Variants in TMEM18 observed in about 807,000 individuals in gnomAD.
The protein encoded by TMEM18 is transmembrane protein 18.
Under a neutral mutation model 17.4 loss-of-function variants are expected in TMEM18, and 14 were observed. The ratio of observed to expected loss-of-function variants is 0.80; its 90% CI spans 0.53 to 1.25. The LOEUF (loss-of-function observed/expected upper bound fraction) is 1.25, where lower values mean the gene tolerates loss of function less well. TMEM18 is among the 50% of genes most tolerant of loss of function. The pLI is 0.00. For missense variants in TMEM18, 187 were observed against 172.1 expected, an observed-to-expected ratio of 1.09 and a Z score of -0.48; for synonymous variants, 86 against 66.1, an observed-to-expected ratio of 1.30 and a Z score of -1.46.
chr2:669,736 C>T, intron 4 of TMEM18, 21 bp downstream of exon 4: 1 of 1,613,976 alleles, frequency 6.2e-7, no homozygotes, highest in Admixed American at 1.7e-5. Context: ...AGAAAGACAA[C>T]TGAAAGTGTC....
intron 1 of TMEM18, chr2:676,366 C>A: frequency 7.0e-7 from 1 of 1,420,284 alleles, no homozygotes; most frequent in Non-Finnish European, 9.3e-7. Flanking sequence ...CCTTGAGCGC[C>A]CTCCTGCAGA....
chr2:669,944 A>C, intron 3 of TMEM18, 94 bp from the exon 4 acceptor site: 1 of 999,962 alleles, frequency 1.0e-6, no homozygotes, highest in Non-Finnish European at 1.5e-6. Flanking sequence ...GAGAGAGCTG[A>C]TGTGGACTGA....
At chr2:677,176 GCCCCGC>G in intron 1 of TMEM18, 107 bp downstream of exon 1, 1 of 1,379,790 alleles carries the variant, frequency 7.2e-7, no homozygotes, top group Non-Finnish European at 9.9e-7. Flanking sequence ...CCGCCACAAG[GCCCCGC>G]CCACGGCCGG....
chr2:677,179 C>G (rs997312931), intron 1 of TMEM18, 110 bp downstream of exon 1: 1 of 1,407,292 alleles, frequency 7.1e-7, no homozygotes, highest in Non-Finnish European at 9.7e-7. Flanking sequence ...CCACAAGGCC[C>G]CGCCCACGGC....
chr2:676,182 C>T (rs1218896497), intron 1 of TMEM18: 13 of 1,348,010 alleles, frequency 9.6e-6, no homozygotes, highest in South Asian at 3.7e-5. Context: ...ATACACTGAA[C>T]TCTCCAGACA....
intron 3 of TMEM18, among the ~76,000 whole-genome samples, chr2:672,198 C>T (rs1417544691): frequency 1.3e-5 from 2 of 152,186 alleles, no homozygotes; most frequent in Admixed American, 6.5e-5. Context: ...AACGTAAAAG[C>T]CATTTTTAGC....
chr2:676,710 G>GC, intron 1 of TMEM18: 1 of 1,443,802 alleles, frequency 6.9e-7, no homozygotes, highest in East Asian at 2.5e-5. Flanking sequence ...CACGGCGCAC[G>GC]CCCCGCCCAC....
At chr2:673,332 A>G (rs1010287595) in intron 2 of TMEM18, among the ~76,000 whole-genome samples, 2 of 151,960 alleles carry the variant, frequency 1.3e-5, no homozygotes, top group African/African-American at 4.8e-5. Flanking sequence ...ATAGGAGGGG[A>G]GCGAACAGCT....
intron 3 of TMEM18, chr2:670,922 G>A (rs1254133698): frequency 6.6e-6 from 1 of 152,446 alleles, no homozygotes; most frequent in Non-Finnish European, 1.5e-5. Context: ...GACGGCTTAG[G>A]GACCGCTGCA....
chr2:670,506 G>A (rs1678812777), intron 3 of TMEM18: 2 of 152,960 alleles, frequency 1.3e-5, no homozygotes, highest in African/African-American at 4.8e-5. Flanking sequence ...TAGTAATGGT[G>A]GGCAGTGGGT....
At chr2:672,273 C>T (rs1452909059) in intron 3 of TMEM18, among the ~76,000 whole-genome samples, 1 of 152,212 alleles carries the variant, frequency 6.6e-6, no homozygotes, top group Non-Finnish European at 1.5e-5. Flanking sequence ...TCAACCTGGG[C>T]AGGTGCTGGG....
chr2:676,024 A>T, intron 1 of TMEM18: 1 of 1,309,446 alleles, frequency 7.6e-7, no homozygotes, highest in Non-Finnish European at 1.0e-6. Context: ...CAAGGAAATT[A>T]AGACGATTGC....
In TMEM18 at chr2:665,862, C is replaced by T. The variant is rs959169682; in HGVS notation, c.*3718G>A. ...CACAGAGATGCAGATGCCCCACTCA[C>T]TCAGATGGAGCATCAACCCCACACA... is the stretch of plus-strand genomic sequence containing the variant. On this transcript the variant is annotated 3_prime_UTR_variant, in exon 5 of 5. Coordinates refer to ENST00000281017, the MANE Select transcript of TMEM18 (RefSeq NM_152834.4). Among the ~76,000 whole-genome samples the T allele has an allele frequency of 6.6e-6, 1 of 152,212 alleles. No homozygotes were observed. Among genetic ancestry groups the T allele is most frequent in the Non-Finnish European group, 1.5e-5 (1 of 68,044 alleles).
At position 664,710 on chromosome 2, in the gene TMEM18, C is replaced by T. The variant is rs368037316; in HGVS notation, c.*4870G>A. On this transcript the variant is annotated 3_prime_UTR_variant, in exon 5 of 5. Transcript: ENST00000281017. ...AAATTGATTTAGCAACATTTACCAA[C>T]TGTCACATAAAAGTTATATATGTTG... Among the ~76,000 whole-genome samples the T allele has an allele frequency of 3.3e-5, 5 of 152,322 alleles. No individual in the cohort carries two copies. The South Asian group carries it at 1.0e-3, about 32-fold the overall frequency.
At chr2:672,779 C>G in intron 3 of TMEM18, 29 bp downstream of exon 3, 1 of 1,449,102 alleles carries the variant, frequency 6.9e-7, no homozygotes, top group Non-Finnish European at 9.1e-7. Flanking sequence ...CCTGCAGGGA[C>G]CTGGTCACAG....
Position 669,488 on chromosome 2 carries a change from A to G in TMEM18, c.*92T>C. On this transcript the variant is annotated 3_prime_UTR_variant, in exon 5 of 5. Coordinates refer to ENST00000281017, the MANE Select transcript of TMEM18 (RefSeq NM_152834.4). ...ACAACGGTTTTTCAAACCATGAGTC[A>G]GCTGGAAGGATGCCCACGCCACGCA... is the stretch of plus-strand genomic sequence containing the variant. The G allele has an allele frequency of 7.9e-7, 1 of 1,265,230 alleles. No homozygotes were observed. 78.4% of individuals were successfully genotyped at this position (1,265,230 alleles called of 1,614,324 possible). A position where few individuals can be genotyped will look rare whatever the true frequency, so the allele number is the denominator to read the frequency against.
At position 676,738 on chromosome 2, in the gene TMEM18, C is replaced by G. The variant is rs878859502; in HGVS notation, c.57+551G>C. The G allele has an allele frequency of 1.9e-5, 22 of 1,178,542 alleles. No homozygotes were observed. In the South Asian group the frequency reaches 2.6e-4, roughly 14 times the overall value. The allele number at this position is 1,178,542 out of a possible 1,614,324, so 73.0% of individuals were successfully genotyped here. A position where few individuals can be genotyped will look rare whatever the true frequency, so the allele number is the denominator to read the frequency against. ...CCGCCCACACTGGGCAGCGTTCCTC[C>G]GTGCCACCCCACACGATCAGGCTCC... On this transcript the variant is annotated intron_variant, in intron 1 of 4. Coordinates refer to ENST00000281017, the MANE Select transcript of TMEM18 (RefSeq NM_152834.4).
At chr2:670,291 G>A (rs1678807621) in intron 3 of TMEM18, 1 of 172,898 alleles carries the variant, frequency 5.8e-6, no homozygotes, top group Admixed American at 5.9e-5. Flanking sequence ...GCACTGGGAA[G>A]GAGTGGTGCC....
At chr2:677,261 A>C in intron 1 of TMEM18, 28 bp downstream of exon 1, 1 of 1,604,802 alleles carries the variant, frequency 6.2e-7, no homozygotes, top group Non-Finnish European at 8.5e-7. Flanking sequence ...CCTCCCCCGA[A>C]CTGGTGGTTA....
Sources: gnomAD v4.1 joint callset for allele counts (sites outside exome capture counted in the v4.1 genomes callset) on GRCh38, gnomAD v4.1.1 for gene constraint, MANE v1.5 for transcripts, NCBI Gene and HGNC (gene_info 2026-07-23, HGNC 2026-07-21) for gene names.